PCDH9: variants seen among roughly 807,000 people sequenced by gnomAD.
PCDH9 encodes protocadherin-9.
PCDH9 carries 24 observed loss-of-function variants against 70.6 expected under a neutral mutation model. The observed-to-expected ratio is 0.34, with a 90% CI of 0.25 to 0.48. The LOEUF is 0.48. Ranked by LOEUF, PCDH9 falls within the 20% of genes least tolerant of loss-of-function variation. The pLI, the probability that PCDH9 is intolerant of heterozygous loss-of-function variation, is 0.99. For missense variants in PCDH9, 1,281 were observed against 1,503.6 expected (o/e 0.85, Z 2.45); for synonymous variants, 562 against 558.5 (o/e 1.01, Z -0.09).
chr13:66,744,697 C>T (rs985636695), intron 3 of PCDH9, among the ~76,000 whole-genome samples: 2 of 151,882 alleles, frequency 1.3e-5, no homozygotes, highest in Non-Finnish European at 2.9e-5. Context: ...GAAAGAAATT[C>T]AGGTATAAAA....
In PCDH9 at chr13:66,887,066, CACACACACACA is replaced by C. The variant is rs1566267395; in HGVS notation, c.3138+16427_3138+16437del. On this transcript the variant is annotated intron_variant, in intron 3 of 4. Transcript: ENST00000377865. ...ACACACACACACACACACACACACA[CACACACACACA>C]CCCTGTATTTCTAGACAATTCATTA... 3.2e-4 allele frequency among the ~76,000 whole-genome samples: 49 copies of C among 151,586 alleles called. No homozygotes were observed. In the East Asian group the frequency reaches 6.4e-3, roughly 20 times the overall value.
chr13:66,834,731 T>C (rs2080987177), intron 3 of PCDH9, among the ~76,000 whole-genome samples: 1 of 152,198 alleles, frequency 6.6e-6, no homozygotes, highest in Non-Finnish European at 1.5e-5. Flanking sequence ...AAAAGAAATA[T>C]AGCAAAGAAT....
intron 3 of PCDH9, among the ~76,000 whole-genome samples, chr13:66,866,539 T>C (rs1179137622): frequency 6.6e-6 from 1 of 151,236 alleles, no homozygotes; most frequent in African/African-American, 2.4e-5. Flanking sequence ...GGTTCACGCC[T>C]GTAATCCCAG....
chr13:66,716,057 T>C (rs1393523237), intron 3 of PCDH9, among the ~76,000 whole-genome samples: 1 of 152,222 alleles, frequency 6.6e-6, no homozygotes, highest in Non-Finnish European at 1.5e-5. Flanking sequence ...ATAGAATTAA[T>C]AAAAACATGC....
Position 66,364,210 on chromosome 13 carries a change from G to A in PCDH9, c.3341-59182C>T, listed in dbSNP as rs187098797. Among the ~76,000 whole-genome samples, 299 of 152,054 alleles carry A rather than the reference G, an allele frequency of 2.0e-3. 1 individual carries two copies. The highest frequency in any genetic ancestry group is 3.7e-3 in the Non-Finnish European group (252 of 67,966). On this transcript the variant is annotated intron_variant, in intron 4 of 4. Transcript: ENST00000377865. The stretch of plus-strand genomic sequence containing the variant: ...AGAAACAGTTTATTTTCTCATATCC[G>A]TTTTACTTTTTGTGCTTATTTTATT...
intron 2 of PCDH9, among the ~76,000 whole-genome samples, chr13:67,005,536 C>T (rs997151260): frequency 5.3e-5 from 8 of 152,140 alleles, no homozygotes; most frequent in Admixed American, 2.0e-4. Context: ...TTTCACTTTC[C>T]CCAAATATTC....
At chr13:66,910,594 G>A (rs1486847631) in intron 2 of PCDH9, among the ~76,000 whole-genome samples, 1 of 152,150 alleles carries the variant, frequency 6.6e-6, no homozygotes, top group Admixed American at 6.5e-5. Flanking sequence ...AAAGTCCGAA[G>A]TAATTCAGTA....
intron 3 of PCDH9, among the ~76,000 whole-genome samples, chr13:66,888,609 A>G (rs928477596): frequency 6.6e-6 from 1 of 152,230 alleles, no homozygotes; most frequent in African/African-American, 2.4e-5. Flanking sequence ...TAAATCACAG[A>G]AAAGTGATTT....
intron 4 of PCDH9, among the ~76,000 whole-genome samples, chr13:66,397,344 A>G (rs1257262263): frequency 3.9e-5 from 6 of 151,966 alleles, no homozygotes; most frequent in Non-Finnish European, 5.9e-5. Flanking sequence ...GCTTAAGTTC[A>G]GGAGGTCAAG....
intron 4 of PCDH9, among the ~76,000 whole-genome samples, chr13:66,458,524 C>T (rs1369195732): frequency 6.6e-6 from 1 of 151,974 alleles, no homozygotes; most frequent in Non-Finnish European, 1.5e-5. Context: ...ATTTCTACTG[C>T]TTTCTTCACT....
At chr13:66,451,860 A>G (rs1214422715) in intron 4 of PCDH9, among the ~76,000 whole-genome samples, 1 of 152,250 alleles carries the variant, frequency 6.6e-6, no homozygotes, top group Non-Finnish European at 1.5e-5. Context: ...GCAACTTAGA[A>G]TGTGTTTGCA....
chr13:67,075,838 A>G (rs1338624458), intron 2 of PCDH9, among the ~76,000 whole-genome samples: 2 of 152,154 alleles, frequency 1.3e-5, no homozygotes, highest in African/African-American at 4.8e-5. Context: ...TAATACTGGT[A>G]TACCATAATC....
intron 4 of PCDH9, among the ~76,000 whole-genome samples, chr13:66,613,626 G>T (rs1395612002): frequency 6.6e-6 from 1 of 152,152 alleles, no homozygotes; most frequent in Non-Finnish European, 1.5e-5. Flanking sequence ...TAGCAATCCT[G>T]CCTTAGGGGA....
At chr13:67,039,395 C>T (rs1308767850) in intron 2 of PCDH9, among the ~76,000 whole-genome samples, 1 of 152,172 alleles carries the variant, frequency 6.6e-6, no homozygotes, top group Admixed American at 6.5e-5. Flanking sequence ...TACCATACGG[C>T]ATGATCCAGT....
At chr13:66,873,809 G>A (rs565563984) in intron 3 of PCDH9, among the ~76,000 whole-genome samples, 6 of 151,556 alleles carry the variant, frequency 4.0e-5, no homozygotes, top group South Asian at 4.2e-4. Flanking sequence ...CTAGATATGC[G>A]TCATTGAAAA....
chr13:66,400,784 G>C (rs1224540076), intron 4 of PCDH9, among the ~76,000 whole-genome samples: 4 of 152,246 alleles, frequency 2.6e-5, no homozygotes, highest in African/African-American at 7.2e-5. Flanking sequence ...ATAATAAAAA[G>C]TGTTAGATTT....
chr13:67,011,244 C>T (rs1279964898), intron 2 of PCDH9, among the ~76,000 whole-genome samples: 1 of 151,868 alleles, frequency 6.6e-6, no homozygotes, highest in Non-Finnish European at 1.5e-5. Context: ...TCAACGTAAA[C>T]ATCAGGAAAC....
chr13:67,130,898 C>G (rs762066523), intron 2 of PCDH9, among the ~76,000 whole-genome samples: 121 of 152,272 alleles, frequency 7.9e-4, no homozygotes, highest in Admixed American at 1.6e-3. Context: ...TTGAGCCCCC[C>G]TCTTTCTGTG....
At chr13:66,533,561 T>C (rs1566397776) in intron 4 of PCDH9, among the ~76,000 whole-genome samples, 1 of 152,140 alleles carries the variant, frequency 6.6e-6, no homozygotes, top group South Asian at 2.1e-4. Context: ...AGCTAGATCT[T>C]AAGACATTAG....
Sources: allele counts gnomAD v4.1 joint callset (sites outside exome capture counted in the v4.1 genomes callset), GRCh38; gene constraint gnomAD v4.1.1; transcripts MANE v1.5; gene names NCBI Gene and HGNC (gene_info 2026-07-23, HGNC 2026-07-21).